The following SRGAP1 variants were observed in gnomAD, a reference collection of about 807,000 sequenced individuals.
SRGAP1 encodes the protein SLIT-ROBO Rho GTPase-activating protein 1.
Under a neutral mutation model 121.9 loss-of-function variants are expected in SRGAP1, and 43 were observed. The ratio of observed to expected loss-of-function variants is 0.35; its 90% CI spans 0.28 to 0.46. SRGAP1 has a LOEUF of 0.46. SRGAP1 is among the 20% of genes least tolerant of loss of function. The probability of loss-of-function intolerance (pLI) is 1.00; values close to 1 mark genes in which losing one functional copy is unlikely to be tolerated. For missense variants in SRGAP1, 1,102 were observed against 1,350.9 expected (o/e 0.82, Z 2.89); for synonymous variants, 447 against 485.4 (o/e 0.92, Z 1.04).
intron 1 of SRGAP1, among the ~76,000 whole-genome samples, chr12:63,916,371 C>T (rs1010410562): frequency 6.6e-6 from 1 of 152,156 alleles, no homozygotes; most frequent in Non-Finnish European, 1.5e-5. Context: ...GGCAGATCCC[C>T]ACCAGTTTGA....
chr12:64,154,437 T>C lies in SRGAP1; in HGVS notation c.*11765T>C, dbSNP rs991265130. 2 of 152,006 alleles carry C rather than the reference T, an allele frequency of 1.3e-5. No individual in the cohort carries two copies. The highest frequency in any genetic ancestry group is 2.9e-5 in the Non-Finnish European group (2 of 68,022). 9.4% of individuals were successfully genotyped at this position (152,006 alleles called of 1,614,324 possible). A position where few individuals can be genotyped will look rare whatever the true frequency, so the allele number is the denominator to read the frequency against. On this transcript the variant is annotated 3_prime_UTR_variant, in exon 22 of 22. Transcript: ENST00000355086. Reference sequence around the variant, plus strand: ...GGAGATGAGGGTGGCTTGGACTAGATAGCCAGGTAGAAGGAGAGGAAGGGA... The same window carrying C: ...GGAGATGAGGGTGGCTTGGACTAGACAGCCAGGTAGAAGGAGAGGAAGGGA...
intron 1 of SRGAP1, among the ~76,000 whole-genome samples, chr12:63,940,845 C>G (rs2031839907): frequency 6.6e-6 from 1 of 152,156 alleles, no homozygotes; most frequent in Admixed American, 6.5e-5. Flanking sequence ...TGTGGCATCT[C>G]CTATGAATTA....
At chr12:63,890,384 C>T (rs1262132098) in intron 1 of SRGAP1, among the ~76,000 whole-genome samples, 2 of 152,174 alleles carry the variant, frequency 1.3e-5, no homozygotes, top group Non-Finnish European at 2.9e-5. Flanking sequence ...TTTCCCTCCT[C>T]CATGCCATTC....
At chr12:64,102,587 C>T (rs963655337) in intron 15 of SRGAP1, among the ~76,000 whole-genome samples, 1 of 152,154 alleles carries the variant, frequency 6.6e-6, no homozygotes, top group Admixed American at 6.6e-5. Flanking sequence ...CCACCACCCC[C>T]GGCCCTAGGC....
chr12:64,115,056 A>C (rs907974378), intron 17 of SRGAP1, among the ~76,000 whole-genome samples: 4 of 152,230 alleles, frequency 2.6e-5, no homozygotes, highest in African/African-American at 9.6e-5. Flanking sequence ...CATGATTCTC[A>C]TACAGATATG....
intron 1 of SRGAP1, among the ~76,000 whole-genome samples, chr12:63,858,395 C>T (rs1899327008): frequency 2.0e-5 from 3 of 151,784 alleles, no homozygotes. Context: ...AATTCCTGGA[C>T]TCAGAGAATT....
intron 1 of SRGAP1, among the ~76,000 whole-genome samples, chr12:63,964,947 G>GC (rs2032746636): frequency 6.6e-6 from 1 of 152,152 alleles, no homozygotes. Flanking sequence ...CTGTAATCTT[G>GC]CTTAAATTTA....
intron 17 of SRGAP1, among the ~76,000 whole-genome samples, chr12:64,112,873 A>G (rs780917303): frequency 2.6e-5 from 4 of 152,170 alleles, no homozygotes; most frequent in Non-Finnish European, 5.9e-5. Flanking sequence ...AGTGATGGTT[A>G]CCAAAGGCTA....
Position 64,126,139 on chromosome 12 carries a change from A to G in SRGAP1, c.2387A>G (p.Tyr796Cys), listed in dbSNP as rs780987586. The G allele has an allele frequency of 6.2e-7, 1 of 1,614,050 alleles. No homozygotes were observed. The highest frequency in any genetic ancestry group is 8.5e-7 in the Non-Finnish European group (1 of 1,179,926). The change falls in exon 19 of 22, where the codon TAT becomes TGT. Residue 796 changes from tyrosine to cysteine, a missense_variant. This residue lies in a region of SRGAP1 where 40 missense variants were observed against 78.4 expected (regional missense o/e 0.51). Coordinates refer to ENST00000355086, the MANE Select transcript of SRGAP1 (RefSeq NM_020762.4). ...NGIDGLVPHQ[Y>C]IVVQDMDDTF... Reference sequence around the variant, plus strand: ...ATTGACGGGCTGGTGCCTCACCAGTATATAGTGGTGCAGGATATGTGAGTA... The same window carrying G: ...ATTGACGGGCTGGTGCCTCACCAGTGTATAGTGGTGCAGGATATGTGAGTA...
At chr12:63,911,632 C>A (rs914991758) in intron 1 of SRGAP1, among the ~76,000 whole-genome samples, 1 of 152,298 alleles carries the variant, frequency 6.6e-6, no homozygotes, top group Admixed American at 6.5e-5. Context: ...AGTGGCACCA[C>A]GTTGCTAATT....
intron 1 of SRGAP1, among the ~76,000 whole-genome samples, chr12:63,845,926 T>C (rs933880331): frequency 1.3e-5 from 2 of 152,190 alleles, no homozygotes; most frequent in African/African-American, 4.8e-5. Flanking sequence ...ATTACTGTAC[T>C]TCCCTTGAGC....
At chr12:64,044,422 A>G (rs963963504) in intron 6 of SRGAP1, among the ~76,000 whole-genome samples, 2 of 152,188 alleles carry the variant, frequency 1.3e-5, no homozygotes, top group East Asian at 3.8e-4. Flanking sequence ...TCAGAGGGTT[A>G]TCTGCTGGAA....
chr12:63,882,628 G>A (rs1900232018), intron 1 of SRGAP1, among the ~76,000 whole-genome samples: 1 of 152,112 alleles, frequency 6.6e-6, no homozygotes, highest in African/African-American at 2.4e-5. Flanking sequence ...CCAAACATAA[G>A]TTATCCATTC....
intron 16 of SRGAP1, among the ~76,000 whole-genome samples, chr12:64,109,647 A>G (rs1592330134): frequency 6.6e-6 from 1 of 152,204 alleles, no homozygotes; most frequent in Non-Finnish European, 1.5e-5. Flanking sequence ...GGGTTCCATT[A>G]TAAGAACAGC....
intron 1 of SRGAP1, among the ~76,000 whole-genome samples, chr12:63,937,948 C>A (rs1014527583): frequency 6.6e-6 from 1 of 152,242 alleles, no homozygotes; most frequent in African/African-American, 2.4e-5. Flanking sequence ...GAATCTCCAA[C>A]ATCTCCCCAC....
intron 1 of SRGAP1, among the ~76,000 whole-genome samples, chr12:63,945,602 CATTGTT>C (rs2032019394): frequency 6.6e-6 from 1 of 152,282 alleles, no homozygotes; most frequent in African/African-American, 2.4e-5. Flanking sequence ...TTCTTAACCC[CATTGTT>C]AGTTTAGGGA....
In SRGAP1 at chr12:63,983,175, A is replaced by C. The variant is rs185833505; in HGVS notation, c.68-772A>C. 35 of 152,354 alleles carry C rather than the reference A, an allele frequency of 2.3e-4. No homozygotes were observed. The East Asian group carries it at 4.6e-3, about 20-fold the overall frequency. 9.4% of individuals were successfully genotyped at this position (152,354 alleles called of 1,614,324 possible). A position where few individuals can be genotyped will look rare whatever the true frequency, so the allele number is the denominator to read the frequency against. On this transcript the variant is annotated intron_variant, in intron 1 of 21. Transcript: ENST00000355086. Reference sequence around the variant, plus strand: ...TTTACAAACTAGAAATTATGCACTAAATAAAAATTACCAGATGTCAGTCTC... The same window carrying C: ...TTTACAAACTAGAAATTATGCACTACATAAAAATTACCAGATGTCAGTCTC...
At chr12:63,924,984 G>A (rs1006166382) in intron 1 of SRGAP1, among the ~76,000 whole-genome samples, 2 of 152,072 alleles carry the variant, frequency 1.3e-5, no homozygotes, top group Admixed American at 6.5e-5. Context: ...CATCTGGTTG[G>A]AGGCTATTTA....
chr12:64,009,238 G>A (rs2034182482), intron 3 of SRGAP1, among the ~76,000 whole-genome samples: 1 of 152,100 alleles, frequency 6.6e-6, no homozygotes, highest in East Asian at 1.9e-4. Flanking sequence ...AACTCATTCT[G>A]ATTTTAATTA....
Sources: allele counts gnomAD v4.1 joint callset (sites outside exome capture counted in the v4.1 genomes callset), GRCh38; gene constraint gnomAD v4.1.1; regional missense constraint gnomAD v4.1.1; transcripts MANE v1.5; gene names NCBI Gene and HGNC (gene_info 2026-07-23, HGNC 2026-07-21).